The following SUPT3H variants were observed in gnomAD, a reference collection of about 807,000 sequenced individuals.
SUPT3H encodes the protein transcription initiation protein SPT3 homolog.
Under a neutral mutation model 44.3 loss-of-function variants are expected in SUPT3H, and 44 were observed. The ratio of observed to expected loss-of-function variants is 0.99; its 90% CI spans 0.78 to 1.28. The LOEUF is 1.28. Among genes scored for constraint, SUPT3H ranks in the 50% most tolerant of loss-of-function variants. The pLI is 0.00. For missense variants in SUPT3H, 380 were observed against 387.1 expected (o/e 0.98, Z 0.15); for synonymous variants, 124 against 125.6 (o/e 0.99, Z 0.09).
Position 45,096,913 on chromosome 6 carries a change from A to C in SUPT3H, c.186+9009T>G, listed in dbSNP as rs115783387. Among the ~76,000 whole-genome samples, 1,383 of 152,318 alleles carry C rather than the reference A, an allele frequency of 9.1e-3. 21 individuals carry two copies. Among genetic ancestry groups the C allele is most frequent in the African/African-American group, 0.032 (1,322 of 41,552 alleles). On this transcript the variant is annotated intron_variant, in intron 3 of 10. Coordinates refer to ENST00000371459, the MANE Select transcript of SUPT3H (RefSeq NM_003599.4). ...CTTGATATATATCTATCAGGAGATA[A>C]TAGCTAGAAATAGTCCATAGTCCCA...
intron 2 of SUPT3H, among the ~76,000 whole-genome samples, chr6:45,122,688 TA>T (rs944561070): frequency 7.2e-5 from 11 of 151,856 alleles, no homozygotes; most frequent in African/African-American, 2.2e-4. Context: ...TGTTTCTAAT[TA>T]AAAAAAAATT....
chr6:45,265,221 TA>T (rs1775057018), intron 2 of SUPT3H, among the ~76,000 whole-genome samples: 1 of 152,180 alleles, frequency 6.6e-6, no homozygotes, highest in Non-Finnish European at 1.5e-5. Flanking sequence ...TCCTCAATTT[TA>T]ATAAAACCGT....
At chr6:44,925,538 AAC>A (rs1411267042) in intron 10 of SUPT3H, among the ~76,000 whole-genome samples, 1 of 152,178 alleles carries the variant, frequency 6.6e-6, no homozygotes, top group East Asian at 1.9e-4. Flanking sequence ...ACACTCGGCA[AAC>A]ACAGTTTCCT....
intron 2 of SUPT3H, among the ~76,000 whole-genome samples, chr6:45,322,381 A>G (rs980425396): frequency 6.6e-5 from 10 of 150,762 alleles, no homozygotes; most frequent in African/African-American, 2.4e-4. Context: ...ATACTTTTAT[A>G]ATTTTCTAAT....
At chr6:45,294,050 C>A (rs1270238172) in intron 2 of SUPT3H, among the ~76,000 whole-genome samples, 1 of 152,096 alleles carries the variant, frequency 6.6e-6, no homozygotes, top group Non-Finnish European at 1.5e-5. Context: ...AAACTACAGA[C>A]CAATAACCCT....
intron 2 of SUPT3H, among the ~76,000 whole-genome samples, chr6:45,136,211 GA>G (rs1190701278): frequency 2.0e-5 from 3 of 152,036 alleles, no homozygotes; most frequent in Non-Finnish European, 2.9e-5. Context: ...AGAAACAGAA[GA>G]AAAACCCAGA....
chr6:45,061,214 A>G (rs764189950), intron 3 of SUPT3H, among the ~76,000 whole-genome samples: 70 of 152,338 alleles, frequency 4.6e-4, no homozygotes, highest in Middle Eastern at 6.8e-3. Context: ...CATCAATTAT[A>G]CACTGGATAA....
At chr6:45,098,935 G>A in intron 3 of SUPT3H, 5 of 498,022 alleles carry the variant, frequency 1.0e-5, no homozygotes, top group Admixed American at 4.2e-5. Context: ...AGCATCCAGA[G>A]GAAAAGAAAA....
At chr6:45,232,327 G>C (rs1488852009) in intron 2 of SUPT3H, among the ~76,000 whole-genome samples, 1 of 152,340 alleles carries the variant, frequency 6.6e-6, no homozygotes, top group East Asian at 1.9e-4. Flanking sequence ...AATGGCTTCA[G>C]TGGTATCTGT....
At chr6:44,982,373 G>A (rs752364579) in intron 6 of SUPT3H, among the ~76,000 whole-genome samples, 16 of 152,016 alleles carry the variant, frequency 1.1e-4, no homozygotes, top group Non-Finnish European at 1.5e-4. Flanking sequence ...ACAAGTGCCC[G>A]CCACCACGTC....
intron 5 of SUPT3H, among the ~76,000 whole-genome samples, chr6:45,004,028 G>C (rs1482062365): frequency 1.3e-5 from 2 of 152,124 alleles, no homozygotes; most frequent in Non-Finnish European, 2.9e-5. Context: ...ATCAAAGTAA[G>C]TGTGAAAGGG....
intron 3 of SUPT3H, among the ~76,000 whole-genome samples, chr6:45,026,495 C>T (rs1786025179): frequency 6.6e-6 from 1 of 151,972 alleles, no homozygotes; most frequent in African/African-American, 2.4e-5. Context: ...GTGCCAGGTG[C>T]TGTGCTATGT....
At position 44,979,712 on chromosome 6, in the gene SUPT3H, A is replaced by C. The variant is rs553025228; in HGVS notation, c.505-17884T>G. ...TTATCTGCTCTCATGACATGGGACA[A>C]AAAAAGTTCGTTTTACATCTTATGA... On this transcript the variant is annotated intron_variant, in intron 6 of 10. Coordinates refer to ENST00000371459, the MANE Select transcript of SUPT3H (RefSeq NM_003599.4). 2.6e-5 allele frequency among the ~76,000 whole-genome samples: 4 copies of C among 152,304 alleles called. 1 individual carries two copies. In the Middle Eastern group the frequency reaches 0.01, roughly 389 times the overall value.
chr6:45,323,723 AGAG>A (rs539291474), intron 2 of SUPT3H, among the ~76,000 whole-genome samples: 87 of 152,192 alleles, frequency 5.7e-4, no homozygotes, highest in African/African-American at 1.8e-3. Context: ...CAATTGAAAG[AGAG>A]GAGATTTTCC....
intron 2 of SUPT3H, among the ~76,000 whole-genome samples, chr6:45,164,058 C>A (rs891961510): frequency 1.3e-5 from 2 of 152,122 alleles, no homozygotes; most frequent in African/African-American, 4.8e-5. Context: ...AGCTGATACA[C>A]ATATTCCCAG....
chr6:44,972,291 A>T (rs1294554157), intron 6 of SUPT3H, among the ~76,000 whole-genome samples: 4 of 152,202 alleles, frequency 2.6e-5, no homozygotes, highest in Admixed American at 6.5e-5. Context: ...GCCCCACATA[A>T]GTCCAAAATC....
chr6:45,120,442 G>C (rs9367218), intron 2 of SUPT3H, among the ~76,000 whole-genome samples: 1 of 93,644 alleles, frequency 1.1e-5, no homozygotes, highest in Non-Finnish European at 2.2e-5. Context: ...AAAAAAAAAA[G>C]ACTATATAAG....
chr6:45,223,613 A>G lies in SUPT3H; in HGVS notation c.102-117607T>C, dbSNP rs965457639. Among the ~76,000 whole-genome samples, 81 of 152,084 alleles carry G rather than the reference A, an allele frequency of 5.3e-4. 1 individual carries two copies. The highest frequency in any genetic ancestry group is 1.7e-3 in the African/African-American group (72 of 41,572). ...ATGAAATTTTTTCTTAATCTGATAT[A>G]TATCTTCTCAATTAATCTTACCCTC... On this transcript the variant is annotated intron_variant, in intron 2 of 10. Transcript: ENST00000371459.
intron 2 of SUPT3H, among the ~76,000 whole-genome samples, chr6:45,110,175 T>G (rs1799839747): frequency 6.6e-6 from 1 of 152,174 alleles, no homozygotes; most frequent in Admixed American, 6.5e-5. Flanking sequence ...TATCTTCTCA[T>G]GCAAACAGTA....
Sources: gnomAD v4.1 joint callset for allele counts (sites outside exome capture counted in the v4.1 genomes callset) on GRCh38, gnomAD v4.1.1 for gene constraint, MANE v1.5 for transcripts, NCBI Gene and HGNC (gene_info 2026-07-23, HGNC 2026-07-21) for gene names.